The following OR10G3 variants were observed in gnomAD, a reference collection of about 807,000 sequenced individuals.
The protein encoded by OR10G3 is olfactory receptor 10G3.
In OR10G3, 8 loss-of-function variants were observed where a neutral mutation model predicts 13.4. The ratio of observed to expected loss-of-function variants is 0.60; its 90% confidence interval spans 0.35 to 1.08. The LOEUF (loss-of-function observed/expected upper bound fraction) is 1.08. Among genes scored for constraint, OR10G3 ranks in the 50% least tolerant of loss-of-function variants. OR10G3 has a pLI of 0.02. For synonymous variants in OR10G3, 142 were observed against 156.1 expected, an observed-to-expected ratio of 0.91 and a Z score of 0.67; for missense variants, 393 against 386.6, an observed-to-expected ratio of 1.02 and a Z score of -0.14.
At chr14:21,575,750 C>T (rs930562643) in intron 1 of OR10G3, among the ~76,000 whole-genome samples, 5 of 152,112 alleles carry the variant, frequency 3.3e-5, no homozygotes, top group Non-Finnish European at 7.4e-5. Flanking sequence ...TAGCTCTCAT[C>T]ATTTAACCAT....
chr14:21,572,784 A>G (rs1309021951), intron 1 of OR10G3, among the ~76,000 whole-genome samples: 1 of 151,990 alleles, frequency 6.6e-6, no homozygotes, highest in Non-Finnish European at 1.5e-5. Context: ...TCATTGGTTG[A>G]TGTGTTTGTT....
At chr14:21,577,182 TAAAAG>T (rs138579462) in intron 1 of OR10G3, among the ~76,000 whole-genome samples, 2,939 of 146,452 alleles carry the variant, frequency 0.02, 83 homozygotes, top group African/African-American at 0.063. Context: ...CTTTCAAAAA[TAAAAG>T]AGAGAGAGAG....
chr14:21,570,565 C>T lies in OR10G3; in HGVS notation c.180G>A (p.Met60Ile). The T allele has an allele frequency of 6.2e-7, 1 of 1,614,102 alleles. No individual in the cohort carries two copies. ...WADPRLHARPMYIFLGVLSVI... is the reference protein window; with the variant it reads ...WADPRLHARPIYIFLGVLSVI... ...CTGAGAGAACACCAAGAAAGATGTA[C>T]ATGGGGCGGGCATGGAGCCTTGGGT... Residue 60 changes from methionine (M) to isoleucine (I), a missense_variant, in exon 2 of 2, where the codon ATG becomes ATA. Transcript: ENST00000641040.
At position 21,569,220 on chromosome 14, in the gene OR10G3, T is replaced by G. The variant is rs1207141615; in HGVS notation, c.*583A>C. On this transcript the variant is annotated 3_prime_UTR_variant, in exon 2 of 2. Coordinates refer to ENST00000641040, the MANE Select transcript of OR10G3 (RefSeq NM_001005465.2). ...ATGGTTCCAGCACAGGAGAAACATG[T>G]AGGCTGGGAGGCTAGGCCAGTCTTT... is the stretch of plus-strand genomic sequence containing the variant. 6.5e-6 allele frequency: 1 copy of G among 152,830 alleles called. No individual in the cohort carries two copies. Among genetic ancestry groups the G allele is most frequent in the Non-Finnish European group, 1.5e-5 (1 of 68,598 alleles). The allele number at this position is 152,830 out of a possible 1,614,324, so 9.5% of individuals were successfully genotyped here. A position where few individuals can be genotyped will look rare whatever the true frequency, so the allele number is the denominator to read the frequency against.
At position 21,570,113 on chromosome 14, in the gene OR10G3, C is replaced by A. The variant is rs769627976; in HGVS notation, c.632G>T (p.Cys211Phe). Residue 211 changes from cysteine (C) to phenylalanine (F), a missense_variant, in exon 2 of 2, where the codon TGC (cysteine) becomes TTC (phenylalanine). Transcript: ENST00000641040. ...GTAGGAGAGGAGGATCAGGGAGAAG[C>A]AACTGGCAACCACCACCCCAATGTC... ...FVDIGVVVAS[C>F]FSLILLSYIQ... The A allele has an allele frequency of 6.2e-7, 1 of 1,614,214 alleles. No individual in the cohort carries two copies. Among genetic ancestry groups the A allele is most frequent in the Non-Finnish European group, 8.5e-7 (1 of 1,180,042 alleles).
At chr14:21,574,223 T>G (rs556236647) in intron 1 of OR10G3, among the ~76,000 whole-genome samples, 2 of 146,850 alleles carry the variant, frequency 1.4e-5, no homozygotes, top group Non-Finnish European at 1.5e-5. Flanking sequence ...GAATGGCATG[T>G]ACCGGGGAGG....
In OR10G3 at chr14:21,569,709, A is replaced by T; in HGVS notation, c.*94T>A. ...ATCATACAGTATGGCTATATAAAAG[A>T]GAAAAAACAAGAAGAAAAGAAAAAA... is the stretch of plus-strand genomic sequence containing the variant. On this transcript the variant is annotated 3_prime_UTR_variant, in exon 2 of 2. Coordinates refer to ENST00000641040, the MANE Select transcript of OR10G3 (RefSeq NM_001005465.2). 1 of 1,012,142 alleles carries T rather than the reference A, an allele frequency of 9.9e-7. No homozygotes were observed. Among genetic ancestry groups the T allele is most frequent in the Non-Finnish European group, 1.4e-6 (1 of 691,750 alleles). The allele number at this position is 1,012,142 out of a possible 1,614,324, so 62.7% of individuals were successfully genotyped here.
intron 1 of OR10G3, among the ~76,000 whole-genome samples, chr14:21,575,713 C>T (rs1893121813): frequency 6.6e-6 from 1 of 152,200 alleles, no homozygotes; most frequent in South Asian, 2.1e-4. Context: ...AGCTTTAAAA[C>T]TGCTGTACCC....
rs948686591 is a variant in OR10G3 at position 21,569,912 on chromosome 14, G to A, written c.833C>T (p.Thr278Met). The A allele has an allele frequency of 4.3e-6, 7 of 1,613,314 alleles. No individual in the cohort carries two copies. The highest frequency in any genetic ancestry group is 1.6e-4 in the Middle Eastern group (1 of 6,082). ...PLDGAAALVP[T>M]AITPFLNPLI... ...GGGGTTGAGGAAAGGAGTGATGGCC[G>A]TGGGGACTAGGGCAGCTGCCCCATC... Residue 278 changes from threonine to methionine, a missense_variant, in exon 2 of 2, where the codon ACG (threonine) becomes ATG (methionine). Transcript: ENST00000641040.
intron 1 of OR10G3, among the ~76,000 whole-genome samples, chr14:21,578,179 G>A (rs1876802732): frequency 6.6e-6 from 1 of 152,226 alleles, no homozygotes; most frequent in Non-Finnish European, 1.5e-5. Flanking sequence ...GGGAGGCCAA[G>A]GCTGGTGGAT....
Position 21,569,688 on chromosome 14 carries a change from T to C in OR10G3, c.*115A>G, listed in dbSNP as rs567755396. 1.3e-6 allele frequency: 1 copy of C among 787,098 alleles called. No individual in the cohort carries two copies. Among genetic ancestry groups the C allele is most frequent in the African/African-American group, 1.8e-5 (1 of 57,092 alleles). 48.8% of individuals were successfully genotyped at this position (787,098 alleles called of 1,614,324 possible). A position where few individuals can be genotyped will look rare whatever the true frequency, so the allele number is the denominator to read the frequency against. On this transcript the variant is annotated 3_prime_UTR_variant, in exon 2 of 2. Coordinates refer to ENST00000641040, the MANE Select transcript of OR10G3 (RefSeq NM_001005465.2). ...TTTTACCTTAAACTGTGTTTGATCA[T>C]ACAGTATGGCTATATAAAAGAGAAA...
chr14:21,570,831 G>T, intron 1 of OR10G3, 70 bp from the exon 2 acceptor site: 1 of 861,164 alleles, frequency 1.2e-6, no homozygotes, highest in Non-Finnish European at 1.8e-6. Flanking sequence ...GAAAGAGATT[G>T]TAAAAACTAG....
At position 21,569,878 on chromosome 14, in the gene OR10G3, G is replaced by A; in HGVS notation, c.867C>T (p.Tyr289=). The A allele has an allele frequency of 6.2e-7, 1 of 1,614,142 alleles. No homozygotes were observed. The highest frequency in any genetic ancestry group is 8.5e-7 in the Non-Finnish European group (1 of 1,180,006). ...AITPFLNPLI[Y]TLRNQEVKLA... is the part of the protein sequence containing the mutation. ...GCTTCACCTCTTGGTTCCGCAGAGT[G>A]TAGATAAGGGGGTTGAGGAAAGGAG... is the stretch of plus-strand genomic sequence containing the variant. Residue 289 remains tyrosine (Y), a synonymous_variant, in exon 2 of 2, where the codon TAC becomes TAT. Coordinates refer to ENST00000641040, the MANE Select transcript of OR10G3 (RefSeq NM_001005465.2).
At chr14:21,577,186 A>G (rs1270557455) in intron 1 of OR10G3, among the ~76,000 whole-genome samples, 1 of 114,190 alleles carries the variant, frequency 8.8e-6, no homozygotes, top group Non-Finnish European at 1.6e-5. Context: ...CAAAAATAAA[A>G]GAGAGAGAGA....
chr14:21,571,109 C>T (rs1313139435), intron 1 of OR10G3, among the ~76,000 whole-genome samples: 1 of 152,134 alleles, frequency 6.6e-6, no homozygotes, highest in Non-Finnish European at 1.5e-5. Context: ...TTCCAATAAC[C>T]TTTGGAAAAT....
Position 21,580,019 on chromosome 14 carries a change from A to C in OR10G3, c.-251T>G, listed in dbSNP as rs1351309986. ...AGAGATATCTGCTTCCAGCTTCCTT[A>C]TGAACTGGGGGAGGAGCTGTGGCTC... On this transcript the variant is annotated 5_prime_UTR_variant, in exon 1 of 2. Transcript: ENST00000641040. 6.6e-6 allele frequency: 1 copy of C among 152,186 alleles called. No individual in the cohort carries two copies. Among genetic ancestry groups the C allele is most frequent in the African/African-American group, 2.4e-5 (1 of 41,446 alleles). 9.4% of individuals were successfully genotyped at this position (152,186 alleles called of 1,614,324 possible). A position where few individuals can be genotyped will look rare whatever the true frequency, so the allele number is the denominator to read the frequency against.
Position 21,570,614 on chromosome 14 carries a change from A to G in OR10G3, c.131T>C (p.Leu44Pro). Residue 44 changes from leucine to proline, a missense_variant, in exon 2 of 2, where the codon CTT (leucine) becomes CCT (proline). Coordinates refer to ENST00000641040, the MANE Select transcript of OR10G3 (RefSeq NM_001005465.2). ...IYILTQLGNL[L>P]ILITVWADPR... ...GTCTGCCCAGACAGTGATTAAAATA[A>G]GCAGGTTTCCCAGCTGAGTCAGGAT... 6.2e-7 allele frequency: 1 copy of G among 1,614,142 alleles called. No individual in the cohort carries two copies. Among genetic ancestry groups the G allele is most frequent in the Non-Finnish European group, 8.5e-7 (1 of 1,180,040 alleles).
chr14:21,578,581 G>T (rs1171747518), intron 1 of OR10G3, among the ~76,000 whole-genome samples: 4 of 152,034 alleles, frequency 2.6e-5, no homozygotes, highest in Non-Finnish European at 5.9e-5. Context: ...AAGGGCACAG[G>T]CTTAACCTCA....
intron 1 of OR10G3, among the ~76,000 whole-genome samples, chr14:21,572,819 G>C (rs1893086683): frequency 1.3e-5 from 2 of 152,026 alleles, no homozygotes; most frequent in African/African-American, 2.4e-5. Flanking sequence ...ATGCTGTTTT[G>C]ATAACTATAA....
Sources: allele counts gnomAD v4.1 joint callset (sites outside exome capture counted in the v4.1 genomes callset), GRCh38; gene constraint gnomAD v4.1.1; transcripts MANE v1.5; gene names NCBI Gene and HGNC (gene_info 2026-07-23, HGNC 2026-07-21).